Variants in SLC9A4 observed in about 807,000 individuals in gnomAD.
SLC9A4 encodes solute carrier family 9 member A4.
SLC9A4 carries 63 observed loss-of-function variants against 67.4 expected under a neutral mutation model. The ratio of observed to expected loss-of-function variants is 0.93; its 90% CI spans 0.76 to 1.15. The LOEUF is 1.15. Ranked by LOEUF, SLC9A4 falls within the 50% of genes most tolerant of loss-of-function variation. The pLI, the probability that SLC9A4 is intolerant of heterozygous loss-of-function variation, is 0.00. For synonymous variants in SLC9A4, 393 were observed against 367.2 expected, an observed-to-expected ratio of 1.07 and a Z score of -0.80; for missense variants, 1,089 against 987.7, an observed-to-expected ratio of 1.10 and a Z score of -1.38.
At chr2:102,491,534 C>A (rs1301635424) in intron 2 of SLC9A4, among the ~76,000 whole-genome samples, 3 of 151,976 alleles carry the variant, frequency 2.0e-5, no homozygotes, top group African/African-American at 7.3e-5. Context: ...ATTTATAAAA[C>A]CACCAGATCT....
Position 102,522,383 on chromosome 2 carries a change from C to A in SLC9A4, c.1818+2428C>A, listed in dbSNP as rs115385728. ...CAAGGTCCAGTGGGAAATGCAAGCT[C>A]CACTATAACACAGAAATGGAGGGAG... On this transcript the variant is annotated intron_variant, in intron 9 of 11. Coordinates refer to ENST00000295269, the MANE Select transcript of SLC9A4 (RefSeq NM_001011552.4). Among the ~76,000 whole-genome samples the A allele has an allele frequency of 6.2e-3, 949 of 152,110 alleles. 15 individuals are homozygous for A. The highest frequency in any genetic ancestry group is 0.022 in the African/African-American group (916 of 41,478).
intron 8 of SLC9A4, among the ~76,000 whole-genome samples, chr2:102,519,260 T>A (rs1685344282): frequency 6.6e-6 from 1 of 152,240 alleles, no homozygotes; most frequent in Non-Finnish European, 1.5e-5. Context: ...TGATTCTGGT[T>A]TCTTCAATTA....
Position 102,505,468 on chromosome 2 carries a change from A to G in SLC9A4, c.1195A>G (p.Ile399Val). The G allele has an allele frequency of 6.2e-7, 1 of 1,613,790 alleles. No homozygotes were observed. The highest frequency in any genetic ancestry group is 8.5e-7 in the Non-Finnish European group (1 of 1,180,018). Residue 399 changes from isoleucine to valine, a missense_variant, in exon 4 of 12, where the codon ATC (isoleucine) becomes GTC (valine). Physicochemically the swap from Ile to Val is conservative, Grantham distance 29. Coordinates refer to ENST00000295269, the MANE Select transcript of SLC9A4 (RefSeq NM_001011552.4). ...GGCCTTCTGCCAAATCTGGAGAGCCATCAGTAAGAGACGGCAGGGCTCCAG... is the reference window on the plus strand; with the variant it reads ...GGCCTTCTGCCAAATCTGGAGAGCCGTCAGTAAGAGACGGCAGGGCTCCAG... ...TLAFCQIWRA[I>V]SVFALFYISN...
At chr2:102,493,979 T>C (rs1273167106) in intron 2 of SLC9A4, among the ~76,000 whole-genome samples, 1 of 151,858 alleles carries the variant, frequency 6.6e-6, no homozygotes, top group Non-Finnish European at 1.5e-5. Context: ...AAAAGTAATG[T>C]AGTCAAACAA....
intron 10 of SLC9A4, 85 bp downstream of exon 10, chr2:102,525,240 A>G: frequency 6.4e-7 from 1 of 1,571,692 alleles, no homozygotes; most frequent in Non-Finnish European, 8.7e-7. Context: ...AGGATCTCAC[A>G]TGCATGACCA....
At position 102,493,322 on chromosome 2, in the gene SLC9A4, C is replaced by G. The variant is rs187241959; in HGVS notation, c.721-10126C>G. On this transcript the variant is annotated intron_variant, in intron 2 of 11. Transcript: ENST00000295269. ...TTTACTGCATTAGTCCATTTTCATG[C>G]TACTATGAAGAAATACCCAAGACTG... 5.3e-5 allele frequency among the ~76,000 whole-genome samples: 8 copies of G among 151,890 alleles called. No homozygotes were observed. The East Asian group carries it at 1.5e-3, about 29-fold the overall frequency.
intron 9 of SLC9A4, among the ~76,000 whole-genome samples, chr2:102,521,656 G>T (rs1032446173): frequency 6.6e-6 from 1 of 152,146 alleles, no homozygotes; most frequent in African/African-American, 2.4e-5. Flanking sequence ...TGAAGGAAAA[G>T]TCTACCTGAA....
chr2:102,492,376 C>T (rs1014474048), intron 2 of SLC9A4, among the ~76,000 whole-genome samples: 3 of 152,242 alleles, frequency 2.0e-5, no homozygotes, highest in African/African-American at 7.2e-5. Context: ...GCCTGGACAT[C>T]CAGGCATTAC....
intron 1 of SLC9A4, among the ~76,000 whole-genome samples, chr2:102,476,582 G>T (rs1472308292): frequency 6.6e-6 from 1 of 152,292 alleles, no homozygotes; most frequent in African/African-American, 2.4e-5. Flanking sequence ...GAGCCACAGG[G>T]CCTGAGAAAA....
rs115696588 is a variant in SLC9A4, at chr2:102,524,679, C to T, written c.1819-345C>T. The stretch of plus-strand genomic sequence containing the variant: ...CAAAGTAGTTTAGATATTTTCCTTT[C>T]TTATTAAATTCACTGGCCTGGCATC... On this transcript the variant is annotated intron_variant, in intron 9 of 11. Coordinates refer to ENST00000295269, the MANE Select transcript of SLC9A4 (RefSeq NM_001011552.4). Among the ~76,000 whole-genome samples, 724 of 151,934 alleles carry T rather than the reference C, an allele frequency of 4.8e-3. 11 individuals are homozygous for T. The highest frequency in any genetic ancestry group is 0.017 in the African/African-American group (688 of 41,418).
At chr2:102,482,676 C>T (rs556011400) in intron 2 of SLC9A4, among the ~76,000 whole-genome samples, 29 of 152,246 alleles carry the variant, frequency 1.9e-4, no homozygotes, top group Middle Eastern at 3.4e-3. Context: ...TACTCTCACC[C>T]GCACTACTGA....
intron 11 of SLC9A4, among the ~76,000 whole-genome samples, chr2:102,532,059 A>C (rs1674787974): frequency 6.6e-6 from 1 of 152,228 alleles, no homozygotes; most frequent in South Asian, 2.1e-4. Context: ...GTAAAAAGAC[A>C]CTACCTTACT....
At chr2:102,494,456 T>C (rs1156876227) in intron 2 of SLC9A4, among the ~76,000 whole-genome samples, 2 of 152,092 alleles carry the variant, frequency 1.3e-5, no homozygotes, top group Non-Finnish European at 2.9e-5. Context: ...TAAAAAAATA[T>C]ATAGTAATAT....
Position 102,508,950 on chromosome 2 carries a change from T to C in SLC9A4, c.1488+17T>C. On this transcript the variant is annotated intron_variant, in intron 6 of 11. Coordinates refer to ENST00000295269, the MANE Select transcript of SLC9A4 (RefSeq NM_001011552.4). ...CATATTCGTGTAAGTTATCTCATAG[T>C]CACAATTAATAAATTAACAAGACAT... 1.3e-6 allele frequency: 2 copies of C among 1,582,674 alleles called. No individual in the cohort carries two copies. Among genetic ancestry groups the C allele is most frequent in the Middle Eastern group, 3.4e-4 (2 of 5,934 alleles).
chr2:102,488,919 A>G (rs995082281), intron 2 of SLC9A4, among the ~76,000 whole-genome samples: 2 of 152,148 alleles, frequency 1.3e-5, no homozygotes, highest in African/African-American at 2.4e-5. Context: ...CCTGAGTTCT[A>G]ATCCTCCATC....
chr2:102,492,111 C>CA (rs1684715270), intron 2 of SLC9A4, among the ~76,000 whole-genome samples: 1 of 152,226 alleles, frequency 6.6e-6, no homozygotes, highest in African/African-American at 2.4e-5. Flanking sequence ...TGTGGCTTTG[C>CA]AGGGTACAGC....
intron 2 of SLC9A4, among the ~76,000 whole-genome samples, chr2:102,491,373 C>G (rs975086299): frequency 8.4e-6 from 1 of 118,848 alleles, no homozygotes; most frequent in South Asian, 2.8e-4. Flanking sequence ...AAGAAATACC[C>G]GAGACTGGGT....
chr2:102,478,344 C>T (rs571657700), intron 1 of SLC9A4, among the ~76,000 whole-genome samples: 23 of 152,206 alleles, frequency 1.5e-4, no homozygotes, highest in Non-Finnish European at 2.8e-4. Context: ...TTTCCCTCTT[C>T]AGTGGCTGAC....
At chr2:102,518,086 A>G (rs1685313609) in intron 8 of SLC9A4, among the ~76,000 whole-genome samples, 1 of 152,228 alleles carries the variant, frequency 6.6e-6, no homozygotes, top group African/African-American at 2.4e-5. Flanking sequence ...ATATAATTCC[A>G]TAGCTGCGGC....
Sources: allele counts gnomAD v4.1 joint callset (sites outside exome capture counted in the v4.1 genomes callset), GRCh38; gene constraint gnomAD v4.1.1; transcripts MANE v1.5; gene names NCBI Gene and HGNC (gene_info 2026-07-23, HGNC 2026-07-21).